The following ADARB2 variants were observed in gnomAD, a reference collection of about 807,000 sequenced individuals.
The protein encoded by ADARB2 is adenosine deaminase RNA specific B2 (inactive), also known as inactive double-stranded RNA-specific editase B2.
A neutral mutation model predicts 62.2 loss-of-function variants in ADARB2; 25 were observed. That is an observed-to-expected ratio of 0.40 (90% confidence interval 0.29 to 0.56). ADARB2 has a LOEUF of 0.56. Among genes scored for constraint, ADARB2 ranks in the 20% least tolerant of loss-of-function variants. The probability of loss-of-function intolerance (pLI) is 0.43; values close to 1 mark genes in which losing one functional copy is unlikely to be tolerated. For synonymous variants in ADARB2, 572 were observed against 500.8 expected (o/e 1.14, Z -1.90); for missense variants, 1,071 against 1,077.4 (o/e 0.99, Z 0.08).
At chr10:1,313,595 AT>A (rs200896587) in intron 3 of ADARB2, among the ~76,000 whole-genome samples, 3,438 of 152,258 alleles carry the variant, frequency 0.023, 55 homozygotes, top group Non-Finnish European at 0.036. Context: ...ACCTCCTGGG[AT>A]AACAGGGGAA....
At chr10:1,409,393 TG>T (rs376038985) in intron 1 of ADARB2, among the ~76,000 whole-genome samples, 158 of 152,348 alleles carry the variant, frequency 1.0e-3, no homozygotes, top group African/African-American at 3.6e-3. Flanking sequence ...CCCATCTGCG[TG>T]GGGCGTGTGG....
At chr10:1,475,222 C>T (rs1831383074) in intron 1 of ADARB2, among the ~76,000 whole-genome samples, 1 of 152,228 alleles carries the variant, frequency 6.6e-6, no homozygotes, top group Admixed American at 6.5e-5. Flanking sequence ...AGAGGCAGGT[C>T]TCCCGCTGCT....
chr10:1,462,994 G>A (rs1831198517), intron 1 of ADARB2, among the ~76,000 whole-genome samples: 1 of 123,208 alleles, frequency 8.1e-6, no homozygotes, highest in Non-Finnish European at 1.6e-5. Context: ...ATGCAGTAGG[G>A]AAAGTACGTT....
intron 1 of ADARB2, among the ~76,000 whole-genome samples, chr10:1,524,824 T>C (rs553768355): frequency 6.6e-6 from 1 of 152,278 alleles, no homozygotes; most frequent in South Asian, 2.1e-4. Flanking sequence ...CACAAAGGCC[T>C]GTAATTCTAT....
At chr10:1,298,563 C>T (rs1245023864) in intron 3 of ADARB2, among the ~76,000 whole-genome samples, 1 of 152,044 alleles carries the variant, frequency 6.6e-6, no homozygotes, top group African/African-American at 2.4e-5. Context: ...CAGGCAGTAG[C>T]CAAACTGAGG....
intron 1 of ADARB2, among the ~76,000 whole-genome samples, chr10:1,527,623 AGG>A (rs1357631290): frequency 6.6e-6 from 1 of 152,248 alleles, no homozygotes; most frequent in Non-Finnish European, 1.5e-5. Flanking sequence ...TATACATAAC[AGG>A]ATGATATACA....
intron 3 of ADARB2, among the ~76,000 whole-genome samples, chr10:1,274,267 G>T (rs1015652084): frequency 1.3e-5 from 2 of 152,234 alleles, no homozygotes; most frequent in Non-Finnish European, 1.5e-5. Flanking sequence ...GGCAGCCTGG[G>T]GGCCACATCT....
intron 1 of ADARB2, among the ~76,000 whole-genome samples, chr10:1,455,788 T>C (rs190782298): frequency 6.3e-4 from 96 of 152,350 alleles, no homozygotes; most frequent in Non-Finnish European, 1.2e-3. Flanking sequence ...AGGGAAGAAC[T>C]GACCAAAAGC....
intron 1 of ADARB2, among the ~76,000 whole-genome samples, chr10:1,621,014 G>C (rs1382240827): frequency 1.3e-5 from 2 of 152,194 alleles, no homozygotes; most frequent in African/African-American, 4.8e-5. Flanking sequence ...CCTTAGTCAT[G>C]AGTGGCTGAG....
intron 8 of ADARB2, among the ~76,000 whole-genome samples, chr10:1,197,540 C>T (rs772210151): frequency 3.6e-4 from 55 of 152,216 alleles, no homozygotes; most frequent in Non-Finnish European, 5.1e-4. Context: ...GAAGACAGCC[C>T]GTGCTCTCCT....
intron 1 of ADARB2, among the ~76,000 whole-genome samples, chr10:1,486,417 G>C (rs1831543281): frequency 6.6e-6 from 1 of 152,162 alleles, no homozygotes; most frequent in Non-Finnish European, 1.5e-5. Context: ...ATCATCTGGA[G>C]AGTCGAACAA....
Position 1,294,478 on chromosome 10 carries a change from G to A in ADARB2, c.1078-23409C>T, listed in dbSNP as rs191074683. ...ATGGGCCCTTGACTCACCTGATGGCGTTTCACCTTACAGCTGGGGAAACTG... is the reference window on the plus strand; with the variant it reads ...ATGGGCCCTTGACTCACCTGATGGCATTTCACCTTACAGCTGGGGAAACTG... On this transcript the variant is annotated intron_variant, in intron 3 of 9. Coordinates refer to ENST00000381312, the MANE Select transcript of ADARB2 (RefSeq NM_018702.4). 7.2e-5 allele frequency among the ~76,000 whole-genome samples: 11 copies of A among 152,266 alleles called. No homozygotes were observed. In the East Asian group the frequency reaches 1.4e-3, roughly 19 times the overall value.
intron 1 of ADARB2, among the ~76,000 whole-genome samples, chr10:1,601,821 T>C (rs554984742): frequency 2.6e-5 from 4 of 152,232 alleles, no homozygotes; most frequent in South Asian, 2.1e-4. Context: ...TCCTTGTGGG[T>C]CACAGTGAGA....
intron 2 of ADARB2, among the ~76,000 whole-genome samples, chr10:1,377,240 CGCCCCTGGGGTGTGTGTGTTTG>C (rs1832440835): frequency 9.4e-6 from 1 of 106,774 alleles, no homozygotes; most frequent in Non-Finnish European, 1.8e-5. Flanking sequence ...TGTTTGTGTG[CGCCCCTGGGGTGTGTGTGTTTG>C]TGTGTGCCCC....
chr10:1,558,661 CA>C (rs1294574851), intron 1 of ADARB2, among the ~76,000 whole-genome samples: 2 of 128,806 alleles, frequency 1.6e-5, no homozygotes, highest in Non-Finnish European at 3.4e-5. Context: ...GGGTGCTCAG[CA>C]CCCCCATGCC....
At position 1,182,941 on chromosome 10, in the gene ADARB2, A is replaced by G. The variant is rs560730657; in HGVS notation, c.*252T>C. 29 of 472,694 alleles carry G rather than the reference A, an allele frequency of 6.1e-5. No individual in the cohort carries two copies. The Admixed American group carries it at 7.4e-4, about 12-fold the overall frequency. 29.3% of individuals were successfully genotyped at this position (472,694 alleles called of 1,614,324 possible). A position where few individuals can be genotyped will look rare whatever the true frequency, so the allele number is the denominator to read the frequency against. On this transcript the variant is annotated 3_prime_UTR_variant, in exon 10 of 10. Coordinates refer to ENST00000381312, the MANE Select transcript of ADARB2 (RefSeq NM_018702.4). ...ATGGAGCCCCTCCCTCAGACTCCAC[A>G]GGAAGAGTCGGCGCTAACTCAACAG...
At chr10:1,271,309 G>A (rs1831260111) in intron 3 of ADARB2, among the ~76,000 whole-genome samples, 1 of 152,210 alleles carries the variant, frequency 6.6e-6, no homozygotes, top group African/African-American at 2.4e-5. Context: ...ATTGCTCTCA[G>A]CAGAAACCCT....
intron 1 of ADARB2, among the ~76,000 whole-genome samples, chr10:1,419,136 C>T (rs1832831834): frequency 6.6e-6 from 1 of 152,098 alleles, no homozygotes; most frequent in South Asian, 2.1e-4. Flanking sequence ...TCTTGTTGCC[C>T]AGGCTGGAGC....
rs1222300976 is a variant in ADARB2, at chr10:1,220,045, GTGA to G, written c.1514-2929_1514-2927del. Reference sequence around the variant, plus strand: ...GATGATGGTGGTGATGATGGTAATGGTGATGGTGGTGGTGGTGATGATGGTGAT... The same window carrying G: ...GATGATGGTGGTGATGATGGTAATGGTGGTGGTGGTGGTGATGATGGTGAT... On this transcript the variant is annotated intron_variant, in intron 6 of 9. Coordinates refer to ENST00000381312, the MANE Select transcript of ADARB2 (RefSeq NM_018702.4). Among the ~76,000 whole-genome samples the G allele has an allele frequency of 8.4e-4, 116 of 138,574 alleles. 1 individual carries two copies. Among genetic ancestry groups the G allele is most frequent in the African/African-American group, 2.4e-3 (88 of 36,460 alleles). The allele number at this position is 138,574 out of a possible 152,430, so 90.9% of individuals were successfully genotyped here. A position where few individuals can be genotyped will look rare whatever the true frequency, so the allele number is the denominator to read the frequency against.
Sources: allele counts gnomAD v4.1 joint callset (sites outside exome capture counted in the v4.1 genomes callset), GRCh38; gene constraint gnomAD v4.1.1; transcripts MANE v1.5; gene names NCBI Gene and HGNC (gene_info 2026-07-23, HGNC 2026-07-21).